TTC7B: variants seen among roughly 807,000 people sequenced by gnomAD.
The protein encoded by TTC7B is tetratricopeptide repeat protein 7B.
TTC7B carries 28 observed loss-of-function variants against 106.8 expected under a neutral mutation model. The observed-to-expected ratio is 0.26, with a 90% CI of 0.19 to 0.36. The LOEUF is 0.36. Among genes scored for constraint, TTC7B ranks in the 10% least tolerant of loss-of-function variants. The pLI, the probability that TTC7B is intolerant of heterozygous loss-of-function variation, is 1.00. For missense variants in TTC7B, 862 were observed against 1,076.4 expected, an observed-to-expected ratio of 0.80 and a Z score of 2.79; for synonymous variants, 405 against 430.6, an observed-to-expected ratio of 0.94 and a Z score of 0.74.
intron 17 of TTC7B, chr14:90,605,737 G>A (rs1004061222): frequency 2.4e-6 from 3 of 1,274,764 alleles, no homozygotes; most frequent in African/African-American, 3.1e-5. Context: ...AAGAGGAGAG[G>A]AGGAGGAGGA....
chr14:90,594,882 A>G (rs1386517878), intron 17 of TTC7B, among the ~76,000 whole-genome samples: 1 of 152,210 alleles, frequency 6.6e-6, no homozygotes, highest in Non-Finnish European at 1.5e-5. Flanking sequence ...TAATGGTAAC[A>G]TGGATGCTTC....
At chr14:90,779,778 G>C (rs949821186) in intron 3 of TTC7B, among the ~76,000 whole-genome samples, 1 of 152,200 alleles carries the variant, frequency 6.6e-6, no homozygotes, top group Non-Finnish European at 1.5e-5. Context: ...TGTGTGTCCT[G>C]TGCTTCCAGA....
At chr14:90,622,404 C>A (rs1373451557) in intron 15 of TTC7B, among the ~76,000 whole-genome samples, 2 of 151,578 alleles carry the variant, frequency 1.3e-5, no homozygotes, top group Non-Finnish European at 2.9e-5. Context: ...CAGGCATGAG[C>A]CACCGTGCCC....
chr14:90,573,037 C>G (rs1028437755), intron 19 of TTC7B, among the ~76,000 whole-genome samples: 1 of 152,100 alleles, frequency 6.6e-6, no homozygotes, highest in South Asian at 2.1e-4. Flanking sequence ...TTCCTTGGGG[C>G]GGGGGTTGGG....
chr14:90,558,523 C>G (rs564802262), intron 19 of TTC7B, among the ~76,000 whole-genome samples: 1 of 152,372 alleles, frequency 6.6e-6, no homozygotes, highest in Admixed American at 6.5e-5. Context: ...GTGGCTTCCC[C>G]CATCACTGCC....
At chr14:90,682,625 G>T (rs1481009130) in intron 7 of TTC7B, among the ~76,000 whole-genome samples, 1 of 152,198 alleles carries the variant, frequency 6.6e-6, no homozygotes, top group Non-Finnish European at 1.5e-5. Flanking sequence ...ACGAGCCTCA[G>T]GGGGAGATAC....
Position 90,759,852 on chromosome 14 carries a change from C to T in TTC7B, c.446-14930G>A, listed in dbSNP as rs10146063. On this transcript the variant is annotated intron_variant, in intron 3 of 19. Transcript: ENST00000328459. The surrounding 1 kb of genome is among the most constrained non-coding windows in gnomAD (Gnocchi z 4.1). ...CCAGGGCAAAATGTTAAAGAATGGC[C>T]CCGTCACAGGCACCCCTGTGCAGCA... Among the ~76,000 whole-genome samples, 19,674 of 152,048 alleles carry T rather than the reference C, an allele frequency of 0.13. 1,440 individuals carry two copies. The highest frequency in any genetic ancestry group is 0.2 in the African/African-American group (8,417 of 41,436).
intron 19 of TTC7B, among the ~76,000 whole-genome samples, chr14:90,553,484 C>G (rs868608766): frequency 6.6e-6 from 1 of 152,230 alleles, no homozygotes; most frequent in Middle Eastern, 3.2e-3. Context: ...GCAGCACCCC[C>G]TCCAGGGACC....
At chr14:90,542,497 T>C (rs989463635) in intron 19 of TTC7B, among the ~76,000 whole-genome samples, 1 of 152,172 alleles carries the variant, frequency 6.6e-6, no homozygotes, top group Admixed American at 6.5e-5. Context: ...GCTCATCCAA[T>C]GGACACTCTC....
chr14:90,595,719 C>T (rs892744950), intron 17 of TTC7B, among the ~76,000 whole-genome samples: 4 of 152,090 alleles, frequency 2.6e-5, no homozygotes, highest in Admixed American at 2.6e-4. Flanking sequence ...CAAAATCATT[C>T]GGGATTTAAA....
At chr14:90,580,302 C>G (rs774497369) in intron 18 of TTC7B, among the ~76,000 whole-genome samples, 44 of 152,364 alleles carry the variant, frequency 2.9e-4, no homozygotes, top group Middle Eastern at 3.4e-3. Context: ...TAGAGGCCTT[C>G]TCAGTTCTCA....
intron 17 of TTC7B, among the ~76,000 whole-genome samples, chr14:90,606,154 T>C (rs1173297288): frequency 6.6e-6 from 1 of 152,176 alleles, no homozygotes; most frequent in Non-Finnish European, 1.5e-5. Context: ...GAGAAGCACT[T>C]ATATACAGTT....
At chr14:90,550,493 C>T (rs1182055852) in intron 19 of TTC7B, among the ~76,000 whole-genome samples, 1 of 152,320 alleles carries the variant, frequency 6.6e-6, no homozygotes, top group East Asian at 1.9e-4. Context: ...CTGTTCCACC[C>T]TCCCCTCTCT....
At chr14:90,606,560 C>CCAAAGAAAAGACAATGACTCAGAGCTT (rs1892647271) in intron 17 of TTC7B, among the ~76,000 whole-genome samples, 2 of 152,058 alleles carry the variant, frequency 1.3e-5, no homozygotes, top group African/African-American at 4.8e-5. Context: ...CCAACTTATT[C>CCAAAGAAAAGACAATGACTCAGAGCTT]CAAAGAAAAG....
At chr14:90,753,968 T>A (rs1194950814) in intron 3 of TTC7B, among the ~76,000 whole-genome samples, 1 of 152,238 alleles carries the variant, frequency 6.6e-6, no homozygotes, top group Non-Finnish European at 1.5e-5. Context: ...GTTTGCAACT[T>A]GAATTTATGC....
rs896423270 is a variant in TTC7B at position 90,807,864 on chromosome 14, G to C, written c.121+8311C>G. 6.6e-6 allele frequency among the ~76,000 whole-genome samples: 1 copy of C among 152,216 alleles called. No individual in the cohort carries two copies. The highest frequency in any genetic ancestry group is 1.5e-5 in the Non-Finnish European group (1 of 68,030). On this transcript the variant is annotated intron_variant, in intron 1 of 19. Coordinates refer to ENST00000328459, the MANE Select transcript of TTC7B (RefSeq NM_001010854.2). The surrounding 1 kb of genome is among the most constrained non-coding windows in gnomAD (Gnocchi z 4.1). ...GGGAGCTTAAGAATGCAGAACCCCA[G>C]CTCCACCCTAGACCTACTATATCAG... is the stretch of plus-strand genomic sequence containing the variant.
chr14:90,603,410 T>A, intron 17 of TTC7B: 2 of 644,920 alleles, frequency 3.1e-6, no homozygotes, highest in Non-Finnish European at 4.7e-6. Context: ...CTTCCAACTG[T>A]AAGTCTGGCT....
At chr14:90,587,550 AG>A (rs1891766626) in intron 18 of TTC7B, among the ~76,000 whole-genome samples, 1 of 152,190 alleles carries the variant, frequency 6.6e-6, no homozygotes, top group Admixed American at 6.5e-5. Context: ...AAGTGTGTGC[AG>A]GCCCCCTCTG....
chr14:90,680,463 T>G lies in TTC7B; in HGVS notation c.1014+9A>C, dbSNP rs1362556277. 4 of 1,611,866 alleles carry G rather than the reference T, an allele frequency of 2.5e-6. No individual in the cohort carries two copies. The highest frequency in any genetic ancestry group is 2.5e-6 in the Non-Finnish European group (3 of 1,178,232). ...GGGAAAGAACGATGTAAAAACACAT[T>G]CCACTTACCATTGATTCACTAATCA... On this transcript the variant is annotated intron_variant, in intron 8 of 19. Coordinates refer to ENST00000328459, the MANE Select transcript of TTC7B (RefSeq NM_001010854.2).
Sources: allele counts gnomAD v4.1 joint callset (sites outside exome capture counted in the v4.1 genomes callset), GRCh38; gene constraint gnomAD v4.1.1; non-coding constraint Gnocchi (gnomAD v3.1); transcripts MANE v1.5; gene names NCBI Gene and HGNC (gene_info 2026-07-23, HGNC 2026-07-21).